The following CDKAL1 variants were observed in gnomAD, a reference collection of about 807,000 sequenced individuals.
The protein encoded by CDKAL1 is CDKAL1 threonylcarbamoyladenosine tRNA methylthiotransferase.
In CDKAL1, 32 loss-of-function variants were observed where a neutral mutation model predicts 68.2. That is an observed-to-expected ratio of 0.47 (90% CI 0.35 to 0.63). The LOEUF (loss-of-function observed/expected upper bound fraction) is 0.63, where lower values mean the gene tolerates loss of function less well. CDKAL1 is among the 30% of genes least tolerant of loss of function. The probability of loss-of-function intolerance (pLI) is 0.00; values close to 1 mark genes in which losing one functional copy is unlikely to be tolerated. For synonymous variants in CDKAL1, 234 were observed against 244.3 expected, an observed-to-expected ratio of 0.96 and a Z score of 0.39; for missense variants, 606 against 696.7, an observed-to-expected ratio of 0.87 and a Z score of 1.47.
chr6:20,757,878 T>C (rs1235960024), intron 6 of CDKAL1, among the ~76,000 whole-genome samples: 1 of 152,234 alleles, frequency 6.6e-6, no homozygotes, highest in South Asian at 2.1e-4. Context: ...ACTTTGCTTT[T>C]TTTCATTTTC....
At chr6:21,125,542 C>T (rs1421308311) in intron 13 of CDKAL1, among the ~76,000 whole-genome samples, 1 of 152,042 alleles carries the variant, frequency 6.6e-6, no homozygotes, top group Non-Finnish European at 1.5e-5. Context: ...CATGGTGGTG[C>T]TTGCCTGTAA....
intron 9 of CDKAL1, among the ~76,000 whole-genome samples, chr6:20,889,794 A>G (rs1170619082): frequency 6.6e-6 from 1 of 152,170 alleles, no homozygotes; most frequent in Admixed American, 6.5e-5. Context: ...AGGTAGTGTG[A>G]TGCCTCCAGC....
rs574758359 is a variant in CDKAL1 at position 20,719,092 on chromosome 6, G to T, written c.372-20427G>T. 2.0e-5 allele frequency among the ~76,000 whole-genome samples: 3 copies of T among 152,312 alleles called. No individual in the cohort carries two copies. The South Asian group carries it at 6.2e-4, about 32-fold the overall frequency. On this transcript the variant is annotated intron_variant, in intron 5 of 15. Coordinates refer to ENST00000274695, the MANE Select transcript of CDKAL1 (RefSeq NM_017774.3). Reference sequence around the variant, plus strand: ...TCAAGTTGAGGTCTCTGGACAGTCAGTGTGTAGGGTTTTCCTTCCTGAACC... The same window carrying T: ...TCAAGTTGAGGTCTCTGGACAGTCATTGTGTAGGGTTTTCCTTCCTGAACC...
At chr6:21,134,047 C>G (rs1775455509) in intron 13 of CDKAL1, among the ~76,000 whole-genome samples, 1 of 152,148 alleles carries the variant, frequency 6.6e-6, no homozygotes. Context: ...TGTAGGTCAT[C>G]CATTTGCCGG....
chr6:21,028,364 A>G (rs1769079755), intron 11 of CDKAL1, among the ~76,000 whole-genome samples: 1 of 152,178 alleles, frequency 6.6e-6, no homozygotes, highest in East Asian at 1.9e-4. Context: ...CCATAACAAA[A>G]TGCCATAGTC....
At chr6:20,885,022 C>T (rs374134715) in intron 9 of CDKAL1, among the ~76,000 whole-genome samples, 24 of 152,024 alleles carry the variant, frequency 1.6e-4, no homozygotes, top group African/African-American at 5.1e-4. Flanking sequence ...GAAAGAAGAC[C>T]TAAATAAAAG....
chr6:20,787,338 T>C (rs1775718013), intron 8 of CDKAL1, among the ~76,000 whole-genome samples: 2 of 152,214 alleles, frequency 1.3e-5, no homozygotes, highest in Non-Finnish European at 2.9e-5. Flanking sequence ...ATGTCTGTAA[T>C]GTACAAAATT....
At chr6:20,863,053 G>T (rs779397746) in intron 9 of CDKAL1, among the ~76,000 whole-genome samples, 20 of 152,092 alleles carry the variant, frequency 1.3e-4, no homozygotes, top group Non-Finnish European at 1.9e-4. Flanking sequence ...GGAAACACTG[G>T]ACTATATGCA....
chr6:20,962,277 C>G (rs1411627852), intron 10 of CDKAL1, among the ~76,000 whole-genome samples: 1 of 152,100 alleles, frequency 6.6e-6, no homozygotes, highest in African/African-American at 2.4e-5. Context: ...ACTTATGGTA[C>G]ATGTCATCAT....
chr6:20,565,826 A>G (rs1764439900), intron 4 of CDKAL1, among the ~76,000 whole-genome samples: 2 of 152,130 alleles, frequency 1.3e-5, no homozygotes, highest in Non-Finnish European at 2.9e-5. Flanking sequence ...GTAGAGATGA[A>G]AAAACAGGGC....
chr6:20,596,398 C>T lies in CDKAL1; in HGVS notation c.286+47693C>T, dbSNP rs369651609. On this transcript the variant is annotated intron_variant, in intron 4 of 15. Coordinates refer to ENST00000274695, the MANE Select transcript of CDKAL1 (RefSeq NM_017774.3). ...ATCTAGAGAGGCAGTCTGGCTACAG[C>T]GGCTTTGCCGAGCTGTGGTGGGCTC... 5.3e-5 allele frequency among the ~76,000 whole-genome samples: 8 copies of T among 152,296 alleles called. No homozygotes were observed. The East Asian group carries it at 9.6e-4, about 18-fold the overall frequency.
chr6:20,907,997 C>A (rs1259299700), intron 9 of CDKAL1, among the ~76,000 whole-genome samples: 8 of 152,314 alleles, frequency 5.3e-5, no homozygotes, highest in Admixed American at 1.3e-4. Context: ...CCCATAATGA[C>A]CTTCATTCAG....
At chr6:20,901,624 T>C (rs113791935) in intron 9 of CDKAL1, among the ~76,000 whole-genome samples, 1 of 128,940 alleles carries the variant, frequency 7.8e-6, no homozygotes, top group South Asian at 2.5e-4. Flanking sequence ...GAGCTTGCAG[T>C]GAGCCGAGAT....
At chr6:20,750,098 C>T (rs1773850047) in intron 6 of CDKAL1, among the ~76,000 whole-genome samples, 1 of 152,056 alleles carries the variant, frequency 6.6e-6, no homozygotes, top group Non-Finnish European at 1.5e-5. Flanking sequence ...ACTATAAGGT[C>T]CATGAAGCAG....
intron 4 of CDKAL1, among the ~76,000 whole-genome samples, chr6:20,578,229 G>A (rs995074297): frequency 6.6e-6 from 1 of 152,124 alleles, no homozygotes; most frequent in Non-Finnish European, 1.5e-5. Flanking sequence ...TAAGCATTCA[G>A]TTGAGTGAAT....
intron 12 of CDKAL1, among the ~76,000 whole-genome samples, chr6:21,080,243 A>G (rs1000515989): frequency 9.2e-5 from 14 of 152,282 alleles, no homozygotes; most frequent in South Asian, 6.2e-4. Flanking sequence ...AAGTTTGCCA[A>G]TGATACCCTT....
At chr6:20,813,649 G>A (rs929583490) in intron 8 of CDKAL1, among the ~76,000 whole-genome samples, 9 of 152,234 alleles carry the variant, frequency 5.9e-5, no homozygotes, top group African/African-American at 2.2e-4. Context: ...GAGTTGAGGT[G>A]CTTTCTTTTA....
At chr6:21,203,394 G>A (rs946611566) in intron 15 of CDKAL1, among the ~76,000 whole-genome samples, 4 of 150,408 alleles carry the variant, frequency 2.7e-5, no homozygotes, top group Admixed American at 1.3e-4. Context: ...GTGCCACTAC[G>A]CCCGGCTAAT....
chr6:21,171,546 T>G (rs1267786980), intron 13 of CDKAL1, among the ~76,000 whole-genome samples: 1 of 152,240 alleles, frequency 6.6e-6, no homozygotes, highest in Non-Finnish European at 1.5e-5. Flanking sequence ...AGCACTGTTT[T>G]GTGTCACTGA....
Sources: gnomAD v4.1 joint callset for allele counts (sites outside exome capture counted in the v4.1 genomes callset) on GRCh38, gnomAD v4.1.1 for gene constraint, MANE v1.5 for transcripts, NCBI Gene and HGNC (gene_info 2026-07-23, HGNC 2026-07-21) for gene names.